CDK14: variants seen among roughly 807,000 people sequenced by gnomAD.
CDK14 encodes cyclin-dependent kinase 14.
A neutral mutation model predicts 60.7 loss-of-function variants in CDK14; 34 were observed. That is an observed-to-expected ratio of 0.56 (90% confidence interval 0.43 to 0.75). CDK14 has a LOEUF of 0.75. Among genes scored for constraint, CDK14 ranks in the 30% least tolerant of loss-of-function variants. The probability of loss-of-function intolerance (pLI) is 0.00; values close to 1 mark genes in which losing one functional copy is unlikely to be tolerated. For synonymous variants in CDK14, 197 were observed against 203.7 expected (o/e 0.97, Z 0.28); for missense variants, 482 against 564.1 (o/e 0.85, Z 1.47).
intron 2 of CDK14, among the ~76,000 whole-genome samples, chr7:90,710,729 C>T (rs1346201555): frequency 2.6e-5 from 4 of 152,060 alleles, no homozygotes; most frequent in Non-Finnish European, 5.9e-5. Flanking sequence ...ACCGTGGTAG[C>T]AGACAGCCTA....
intron 4 of CDK14, among the ~76,000 whole-genome samples, chr7:90,780,531 C>G (rs917362969): frequency 6.7e-6 from 1 of 148,740 alleles, no homozygotes; most frequent in Non-Finnish European, 1.5e-5. Context: ...CCCATTAACT[C>G]GTCATTTAGT....
chr7:90,875,791 A>G (rs899230975), intron 6 of CDK14, among the ~76,000 whole-genome samples: 22 of 151,914 alleles, frequency 1.4e-4, no homozygotes, highest in African/African-American at 5.1e-4. Context: ...TTAGCTCAAC[A>G]TTAATGATCA....
chr7:91,059,137 G>T (rs1411661575), intron 11 of CDK14, among the ~76,000 whole-genome samples: 2 of 152,164 alleles, frequency 1.3e-5, no homozygotes, highest in Non-Finnish European at 2.9e-5. Context: ...TCTTGGGAGG[G>T]TGTGTGTGTC....
chr7:90,884,621 A>G (rs553163208), intron 6 of CDK14, among the ~76,000 whole-genome samples: 1 of 152,232 alleles, frequency 6.6e-6, no homozygotes, highest in Middle Eastern at 3.4e-3. Flanking sequence ...ACACCCGTTT[A>G]GCCAGGACAA....
At chr7:90,896,903 A>C (rs1031525484) in intron 6 of CDK14, among the ~76,000 whole-genome samples, 1 of 152,148 alleles carries the variant, frequency 6.6e-6, no homozygotes, top group East Asian at 1.9e-4. Context: ...TGTCTCATAC[A>C]TTGTCAGTTT....
chr7:90,635,908 A>C (rs1800134205), intron 2 of CDK14, among the ~76,000 whole-genome samples: 1 of 151,902 alleles, frequency 6.6e-6, no homozygotes, highest in African/African-American at 2.4e-5. Context: ...TGTGAATGGG[A>C]GTTCACTCAT....
At chr7:90,749,528 G>A (rs998797396) in intron 4 of CDK14, among the ~76,000 whole-genome samples, 3 of 143,276 alleles carry the variant, frequency 2.1e-5, no homozygotes, top group Non-Finnish European at 4.6e-5. Context: ...CTAGGCCTCT[G>A]CTCCACACCC....
intron 3 of CDK14, among the ~76,000 whole-genome samples, chr7:90,742,508 CA>C (rs1803387312): frequency 6.6e-6 from 1 of 151,954 alleles, no homozygotes; most frequent in South Asian, 2.1e-4. Flanking sequence ...ATGGTCTTTA[CA>C]AACAGCATTT....
rs1346161668 is a variant in CDK14, at chr7:90,967,139, G to A, written c.947+11322G>A. On this transcript the variant is annotated intron_variant, in intron 9 of 14. Transcript: ENST00000380050. The stretch of plus-strand genomic sequence containing the variant: ...GGAGGAAGGTGGGAGGGGAGGTAGG[G>A]AGGTAGGGGGAGAGGGAGGGAGGGA... Among the ~76,000 whole-genome samples the A allele has an allele frequency of 3.8e-4, 51 of 134,040 alleles. 1 individual carries two copies. Among genetic ancestry groups the A allele is most frequent in the Admixed American group, 7.5e-4 (10 of 13,326 alleles). The allele number at this position is 134,040 out of a possible 152,430, so 87.9% of individuals were successfully genotyped here. A position where few individuals can be genotyped will look rare whatever the true frequency, so the allele number is the denominator to read the frequency against.
At chr7:91,103,193 C>T (rs1799192540) in intron 12 of CDK14, among the ~76,000 whole-genome samples, 1 of 152,006 alleles carries the variant, frequency 6.6e-6, no homozygotes, top group South Asian at 2.1e-4. Flanking sequence ...GCAGAGGCTG[C>T]AGCAAGCCGA....
At position 91,035,424 on chromosome 7, in the gene CDK14, C is replaced by G. The variant is rs192616417; in HGVS notation, c.1042-10473C>G. Among the ~76,000 whole-genome samples the G allele has an allele frequency of 8.5e-5, 13 of 152,250 alleles. 1 individual carries two copies. In the South Asian group the frequency reaches 2.7e-3, roughly 32 times the overall value. ...CTTTGCTGTATATCAATATCTTTAC[C>G]CCATTGGTCCTTGTTGTCATGTGGC... is the stretch of plus-strand genomic sequence containing the variant. On this transcript the variant is annotated intron_variant, in intron 10 of 14. Transcript: ENST00000380050.
At chr7:90,604,354 C>G in intron 2 of CDK14, 105 bp downstream of exon 2, 1 of 566,262 alleles carries the variant, frequency 1.8e-6, no homozygotes, top group Non-Finnish European at 3.1e-6. Context: ...GCCTTTAAAA[C>G]GCGAGATAAC....
At chr7:90,653,513 G>A (rs1214380825) in intron 2 of CDK14, among the ~76,000 whole-genome samples, 5 of 151,454 alleles carry the variant, frequency 3.3e-5, no homozygotes, top group Non-Finnish European at 5.9e-5. Context: ...TTCCAGCACC[G>A]AGAGGGGTAA....
chr7:91,149,780 G>A (rs43022), intron 14 of CDK14, among the ~76,000 whole-genome samples: 1,537 of 152,234 alleles, frequency 0.01, 14 homozygotes, highest in Middle Eastern at 0.031. Context: ...AGGCCATATG[G>A]GTGTGTTCTG....
chr7:91,201,654 G>C (rs954513561), intron 14 of CDK14, among the ~76,000 whole-genome samples: 7 of 152,134 alleles, frequency 4.6e-5, no homozygotes. Context: ...CAGCGATGTT[G>C]TCCCTCCGGC....
At chr7:91,107,049 A>C (rs1212351069) in intron 12 of CDK14, among the ~76,000 whole-genome samples, 1 of 152,224 alleles carries the variant, frequency 6.6e-6, no homozygotes, top group Non-Finnish European at 1.5e-5. Flanking sequence ...GTTTTGACCT[A>C]GATGGGTAAA....
intron 5 of CDK14, among the ~76,000 whole-genome samples, chr7:90,825,011 G>A (rs1331348694): frequency 6.6e-6 from 1 of 152,142 alleles, no homozygotes; most frequent in Non-Finnish European, 1.5e-5. Flanking sequence ...ATTCTCCTCA[G>A]GAAATCATGA....
chr7:91,009,460 G>A (rs60845518), intron 10 of CDK14, among the ~76,000 whole-genome samples: 28,493 of 152,046 alleles, frequency 0.19, 2,785 homozygotes, highest in Middle Eastern at 0.29. Flanking sequence ...CTGTTTTCCA[G>A]TGTTGCCATA....
At chr7:90,723,242 T>C (rs763615917) in intron 2 of CDK14, among the ~76,000 whole-genome samples, 7 of 152,212 alleles carry the variant, frequency 4.6e-5, no homozygotes, top group Non-Finnish European at 1.0e-4. Context: ...AATTGCTTCA[T>C]AACAAATTAT....
Sources: allele counts gnomAD v4.1 joint callset (sites outside exome capture counted in the v4.1 genomes callset), GRCh38; gene constraint gnomAD v4.1.1; transcripts MANE v1.5; gene names NCBI Gene and HGNC (gene_info 2026-07-23, HGNC 2026-07-21).